FAM110B: variants seen among roughly 807,000 people sequenced by gnomAD.
FAM110B encodes family with sequence similarity 110 member B.
A neutral mutation model predicts 20.4 loss-of-function variants in FAM110B; 6 were observed. That is an observed-to-expected ratio of 0.29 (90% CI 0.16 to 0.58). The LOEUF (loss-of-function observed/expected upper bound fraction) is 0.58. Ranked by LOEUF, FAM110B falls within the 20% of genes least tolerant of loss-of-function variation. The probability of loss-of-function intolerance (pLI) is 0.90; values close to 1 mark genes in which losing one functional copy is unlikely to be tolerated. For synonymous variants in FAM110B, 226 were observed against 214.1 expected (o/e 1.06, Z -0.49); for missense variants, 434 against 498.2 (o/e 0.87, Z 1.23).
At chr8:58,128,678 A>G (rs1304028669) in intron 3 of FAM110B, among the ~76,000 whole-genome samples, 1 of 152,128 alleles carries the variant, frequency 6.6e-6, no homozygotes, top group African/African-American at 2.4e-5. Flanking sequence ...GGGGAAATGG[A>G]TTTGGGGATG....
chr8:58,101,818 C>G (rs1292373010), intron 3 of FAM110B, among the ~76,000 whole-genome samples: 1 of 152,106 alleles, frequency 6.6e-6, no homozygotes, highest in African/African-American at 2.4e-5. Context: ...GTTTGTACCT[C>G]TTGGTACCCA....
intron 3 of FAM110B, among the ~76,000 whole-genome samples, chr8:58,104,808 A>C (rs1288473645): frequency 6.6e-6 from 1 of 152,192 alleles, no homozygotes; most frequent in Non-Finnish European, 1.5e-5. Flanking sequence ...CGATTTCTTA[A>C]AGGATAGAAA....
At chr8:58,100,233 G>A (rs1298783015) in intron 3 of FAM110B, among the ~76,000 whole-genome samples, 1 of 149,066 alleles carries the variant, frequency 6.7e-6, no homozygotes, top group South Asian at 2.1e-4. Flanking sequence ...GAGTTAATCT[G>A]GTGCTTCCTT....
chr8:57,998,321 G>A (rs962413056), intron 1 of FAM110B, among the ~76,000 whole-genome samples: 1 of 152,094 alleles, frequency 6.6e-6, no homozygotes, highest in Non-Finnish European at 1.5e-5. Flanking sequence ...AAGAATGTTG[G>A]GTCTGTTTTT....
At chr8:58,056,674 G>T (rs1805552763) in intron 2 of FAM110B, among the ~76,000 whole-genome samples, 1 of 152,202 alleles carries the variant, frequency 6.6e-6, no homozygotes, top group African/African-American at 2.4e-5. Context: ...ATGTGTGCAT[G>T]CATTTCTGTG....
chr8:58,091,785 T>G (rs927130270), intron 3 of FAM110B, among the ~76,000 whole-genome samples: 2 of 152,174 alleles, frequency 1.3e-5, no homozygotes, highest in African/African-American at 2.4e-5. Flanking sequence ...CTCCATGTGG[T>G]CTCTGGGTTA....
chr8:58,047,591 CCTCTCTCTCTCTCTCTCTCTCTCTCT>C (rs56031012), intron 2 of FAM110B, among the ~76,000 whole-genome samples: 3 of 74,756 alleles, frequency 4.0e-5, no homozygotes, highest in Non-Finnish European at 5.9e-5. Context: ...CTTCCTTTTT[CCTCTCTCTCTCTCTCTCTCTCTCTCT>C]CTCTCTCTCT....
At chr8:58,001,153 AT>A (rs1014642852) in intron 1 of FAM110B, among the ~76,000 whole-genome samples, 17 of 151,604 alleles carry the variant, frequency 1.1e-4, no homozygotes, top group Admixed American at 7.9e-4. Flanking sequence ...TTTAATGAAG[AT>A]TTTTTTTTCT....
intron 3 of FAM110B, among the ~76,000 whole-genome samples, chr8:58,108,699 C>T (rs555241043): frequency 1.2e-4 from 19 of 152,290 alleles, no homozygotes; most frequent in African/African-American, 2.2e-4. Flanking sequence ...CATCCGGGGG[C>T]GGTGAATTCC....
intron 2 of FAM110B, among the ~76,000 whole-genome samples, chr8:58,063,855 A>C (rs73236461): frequency 6.6e-6 from 1 of 152,152 alleles, no homozygotes; most frequent in Admixed American, 6.5e-5. Flanking sequence ...TGCCTTATAA[A>C]GGTGTATTAG....
Position 58,061,024 on chromosome 8 carries a change from C to T in FAM110B, c.-413-14511C>T, listed in dbSNP as rs144666679. 3.4e-3 allele frequency among the ~76,000 whole-genome samples: 521 copies of T among 152,304 alleles called. 9 individuals are homozygous for T. Among genetic ancestry groups the T allele is most frequent in the African/African-American group, 0.012 (503 of 41,558 alleles). ...AAATAAAATTAACTGAGAGCACCCCCTCCCCCAACATACACAGTATAATAT... is the reference window on the plus strand; with the variant it reads ...AAATAAAATTAACTGAGAGCACCCCTTCCCCCAACATACACAGTATAATAT... On this transcript the variant is annotated intron_variant, in intron 2 of 3. Transcript: ENST00000519262.
intron 2 of FAM110B, among the ~76,000 whole-genome samples, chr8:58,054,448 C>T (rs1328057008): frequency 6.6e-6 from 1 of 152,196 alleles, no homozygotes; most frequent in Non-Finnish European, 1.5e-5. Flanking sequence ...CTCCCTAATC[C>T]TCAGCTTCAT....
At chr8:58,072,855 G>C (rs1805937900) in intron 2 of FAM110B, among the ~76,000 whole-genome samples, 1 of 152,220 alleles carries the variant, frequency 6.6e-6, no homozygotes, top group Non-Finnish European at 1.5e-5. Flanking sequence ...GTGCCGCAAA[G>C]TAACTGGGCT....
chr8:57,997,923 C>A (rs940315496), intron 1 of FAM110B, among the ~76,000 whole-genome samples: 1 of 152,190 alleles, frequency 6.6e-6, no homozygotes, highest in Non-Finnish European at 1.5e-5. Context: ...AGTGACTTAT[C>A]TGAGTCACAT....
chr8:58,088,997 A>G (rs867298975), intron 3 of FAM110B, among the ~76,000 whole-genome samples: 1 of 152,228 alleles, frequency 6.6e-6, no homozygotes, highest in Non-Finnish European at 1.5e-5. Context: ...AAAACTCTGC[A>G]ATAAAGCTTT....
At chr8:58,086,713 C>T (rs1411155975) in intron 3 of FAM110B, among the ~76,000 whole-genome samples, 1 of 152,220 alleles carries the variant, frequency 6.6e-6, no homozygotes, top group Non-Finnish European at 1.5e-5. Context: ...AAACTGCCAC[C>T]TTTGCAAAGT....
chr8:58,011,216 T>C (rs1804526550), intron 1 of FAM110B, among the ~76,000 whole-genome samples: 1 of 152,190 alleles, frequency 6.6e-6, no homozygotes, highest in Admixed American at 6.5e-5. Flanking sequence ...ACGTTGCCTG[T>C]GGATTGAGGG....
At chr8:58,026,126 G>A (rs1340762330) in intron 1 of FAM110B, among the ~76,000 whole-genome samples, 1 of 152,224 alleles carries the variant, frequency 6.6e-6, no homozygotes, top group Non-Finnish European at 1.5e-5. Flanking sequence ...GACCCATTGA[G>A]TACAGGGTAG....
chr8:58,065,018 A>C (rs1394820647), intron 2 of FAM110B, among the ~76,000 whole-genome samples: 5 of 152,250 alleles, frequency 3.3e-5, no homozygotes, highest in Admixed American at 1.3e-4. Flanking sequence ...ATTTCATAGC[A>C]AATGATGTTC....
Sources: allele counts gnomAD v4.1 joint callset (sites outside exome capture counted in the v4.1 genomes callset), GRCh38; gene constraint gnomAD v4.1.1; transcripts MANE v1.5; gene names NCBI Gene and HGNC (gene_info 2026-07-23, HGNC 2026-07-21).